The following ZNFX1 variants were observed in gnomAD, a reference collection of about 807,000 sequenced individuals.
The protein encoded by ZNFX1 is NFX1-type zinc finger-containing protein 1.
In ZNFX1, 78 loss-of-function variants were observed where a neutral mutation model predicts 179.8. The ratio of observed to expected loss-of-function variants is 0.43; its 90% CI spans 0.36 to 0.52. ZNFX1 has a LOEUF of 0.52. ZNFX1 is among the 20% of genes least tolerant of loss of function. ZNFX1 has a pLI of 0.00. For synonymous variants in ZNFX1, 848 were observed against 868.5 expected (o/e 0.98, Z 0.42); for missense variants, 1,927 against 2,386.6 (o/e 0.81, Z 4.01).
intron 9 of ZNFX1, 117 bp from the exon 10 acceptor site, chr20:49,254,766 A>G (rs1980928170): frequency 8.7e-7 from 1 of 1,155,570 alleles, no homozygotes; most frequent in Non-Finnish European, 1.2e-6. Context: ...GCATAGTGAC[A>G]AACAGAGAGA....
chr20:49,248,062 T>G lies in ZNFX1; in HGVS notation c.4962A>C (p.Ala1654=), dbSNP rs762622460. 5 of 1,614,100 alleles carry G rather than the reference T, an allele frequency of 3.1e-6. No individual in the cohort carries two copies. In the Admixed American group the frequency reaches 8.3e-5, roughly 27 times the overall value. ...EIIKEKIQGS[A]GEIATSQERL... is the part of the protein sequence containing the mutation. The stretch of plus-strand genomic sequence containing the variant: ...GTTCCTGGCTGGTTGCTATTTCCCC[T>G]GCTGAGCCCTGGATCTTTTCCTTGA... The change falls in exon 14 of 14, where the codon GCA becomes GCC. Residue 1654 remains alanine (A), a synonymous_variant. Transcript: ENST00000396105. This position sits in a 1 kb window ranked among gnomAD's most constrained non-coding sequence, Gnocchi z 4.6.
chr20:49,264,599 T>C lies in ZNFX1; in HGVS notation c.2151+117A>G. 6 of 1,283,582 alleles carry C rather than the reference T, an allele frequency of 4.7e-6. No homozygotes were observed. In the South Asian group the frequency reaches 8.6e-5, roughly 18 times the overall value. The allele number at this position is 1,283,582 out of a possible 1,614,324, so 79.5% of individuals were successfully genotyped here. A position where few individuals can be genotyped will look rare whatever the true frequency, so the allele number is the denominator to read the frequency against. ...AATAGAATGCTGAAAGGAACCTGGG[T>C]CCTCCAGAGCTTTGAGGAGCCTCCA... On this transcript the variant is annotated intron_variant, in intron 5 of 13. Transcript: ENST00000396105.
At chr20:49,258,199 G>T (rs1219240063) in intron 7 of ZNFX1, among the ~76,000 whole-genome samples, 1 of 150,522 alleles carries the variant, frequency 6.6e-6, no homozygotes, top group East Asian at 2.0e-4. Context: ...GGGTTCAAGC[G>T]ATTCTCCTGC....
At position 49,249,199 on chromosome 20, in the gene ZNFX1, G is replaced by A. The variant is rs534404802; in HGVS notation, c.3825C>T (p.Ser1275=). The stretch of plus-strand genomic sequence containing the variant: ...GTACTTTTTGGAAGTCAGAAGCTTT[G>A]GATACTAAGGTGTGGGTTTCAGGGT... ...QNHPETHTLV[S]KASDFQKVPE... The change falls in exon 14 of 14, where the codon TCC becomes TCT. Residue 1275 remains serine (S), a synonymous_variant. Coordinates refer to ENST00000396105, the MANE Select transcript of ZNFX1 (RefSeq NM_021035.3). 22 of 1,614,228 alleles carry A rather than the reference G, an allele frequency of 1.4e-5. No homozygotes were observed. The South Asian group carries it at 2.2e-4, about 16-fold the overall frequency.
At chr20:49,257,099 AAC>A (rs1321866508) in intron 8 of ZNFX1, among the ~76,000 whole-genome samples, 1 of 152,178 alleles carries the variant, frequency 6.6e-6, no homozygotes, top group Admixed American at 6.6e-5. Context: ...TAGAGAAAAC[AAC>A]ACTCCTGAAG....
chr20:49,267,048 C>T (rs1981251170), intron 3 of ZNFX1, among the ~76,000 whole-genome samples: 1 of 152,158 alleles, frequency 6.6e-6, no homozygotes. Context: ...AGGCGCATGC[C>T]ACCATGCCCA....
At chr20:49,254,805 GC>G (rs1980928696) in intron 9 of ZNFX1, among the ~76,000 whole-genome samples, 156 bp from the exon 10 acceptor site, 1 of 152,092 alleles carries the variant, frequency 6.6e-6, no homozygotes, top group African/African-American at 2.4e-5. Context: ...AATCCAAAAT[GC>G]CCAACAAAAA....
chr20:49,248,818 GAC>G lies in ZNFX1; in HGVS notation c.4204_4205del (p.Val1402HisfsTer57). ...EDCVQLCSEM[V>X]TIKLKCGHSQ... Reference sequence around the variant, plus strand: ...TGTGCCCACACTTGAGTTTTATGGTGACCATTTCTGAACACAGCTGCACACAG... The same window carrying G: ...TGTGCCCACACTTGAGTTTTATGGTGCATTTCTGAACACAGCTGCACACAG... On this transcript the variant is annotated frameshift_variant, in exon 14 of 14. Coordinates refer to ENST00000396105, the MANE Select transcript of ZNFX1 (RefSeq NM_021035.3). LOFTEE classifies it high-confidence loss of function. This position sits in a 1 kb window ranked among gnomAD's most constrained non-coding sequence, Gnocchi z 4.6. 6.2e-7 allele frequency: 1 copy of G among 1,613,384 alleles called. No homozygotes were observed. The highest frequency in any genetic ancestry group is 8.5e-7 in the Non-Finnish European group (1 of 1,179,322).
chr20:49,268,060 A>G (rs568131654), intron 3 of ZNFX1, among the ~76,000 whole-genome samples: 8 of 151,960 alleles, frequency 5.3e-5, no homozygotes, highest in Admixed American at 1.3e-4. Context: ...ATTTTTTAGT[A>G]GAGACAGGGT....
intron 3 of ZNFX1, among the ~76,000 whole-genome samples, chr20:49,269,176 A>G (rs117658078): frequency 0.015 from 2,317 of 152,358 alleles, 27 homozygotes; most frequent in Middle Eastern, 0.027. Context: ...CTATGCAGCT[A>G]TGAAAAAGAA....
intron 10 of ZNFX1, 70 bp from the exon 11 acceptor site, chr20:49,253,881 T>C: frequency 6.4e-7 from 1 of 1,569,962 alleles, no homozygotes; most frequent in Non-Finnish European, 8.7e-7. Flanking sequence ...ACTGGGCCTC[T>C]GGGAATCCAC....
At chr20:49,277,444 G>A (rs1981604031) in intron 1 of ZNFX1, among the ~76,000 whole-genome samples, 1 of 150,662 alleles carries the variant, frequency 6.6e-6, no homozygotes, top group Admixed American at 6.6e-5. Context: ...TGAAGGGGGT[G>A]CCGAGGTGCT....
In ZNFX1 at chr20:49,270,603, T is replaced by C; in HGVS notation, c.1209A>G (p.Arg403=). 6.2e-7 allele frequency: 1 copy of C among 1,614,188 alleles called. No homozygotes were observed. Among genetic ancestry groups the C allele is most frequent in the Non-Finnish European group, 8.5e-7 (1 of 1,180,020 alleles). ...AGTAGATTCGGATGTCATCAAACTT[T>C]CTCTTCCTCAGGCCCTGGTCTTCAA... ...QSFEDQGLRK[R]KFDDIRIYFD... is the part of the protein sequence containing the mutation. The change falls in exon 3 of 14, where the codon AGA becomes AGG. Residue 403 remains arginine, a synonymous_variant. Coordinates refer to ENST00000396105, the MANE Select transcript of ZNFX1 (RefSeq NM_021035.3). The surrounding 1 kb of genome is among the most constrained non-coding windows in gnomAD (Gnocchi z 4.6).
intron 10 of ZNFX1, among the ~76,000 whole-genome samples, 154 bp from the exon 11 acceptor site, chr20:49,253,965 A>G (rs1980905466): frequency 6.6e-6 from 1 of 152,106 alleles, no homozygotes; most frequent in Non-Finnish European, 1.5e-5. Context: ...CAGAACATTA[A>G]AACTGTGTTG....
intron 9 of ZNFX1, among the ~76,000 whole-genome samples, chr20:49,255,527 T>C (rs1302712616): frequency 6.6e-6 from 1 of 152,162 alleles, no homozygotes; most frequent in Non-Finnish European, 1.5e-5. Flanking sequence ...CATTTGTAAC[T>C]TTTTATTTGT....
At chr20:49,251,710 A>AG (rs984623046) in intron 12 of ZNFX1, 88 bp from the exon 13 acceptor site, 1 of 1,095,212 alleles carries the variant, frequency 9.1e-7, no homozygotes, top group African/African-American at 1.6e-5. Flanking sequence ...TAGAAAATTT[A>AG]GGGAGGGCCA....
In ZNFX1 at chr20:49,249,664, C is replaced by T; in HGVS notation, c.3360G>A (p.Gln1120=). 6.2e-7 allele frequency: 1 copy of T among 1,614,122 alleles called. No individual in the cohort carries two copies. The highest frequency in any genetic ancestry group is 8.5e-7 in the Non-Finnish European group (1 of 1,179,984). ...LFFVEHNFPE[Q]EIQEGKSHQN... is the part of the protein sequence containing the mutation. ...GATGGCTTTTGCCCTCTTGGATTTC[C>T]TGTTCAGGAAAGTTGTGTTCTACAA... The change falls in exon 14 of 14, where the codon CAG becomes CAA. Residue 1120 remains glutamine (Q), a synonymous_variant. Transcript: ENST00000396105.
intron 13 of ZNFX1, among the ~76,000 whole-genome samples, chr20:49,250,554 A>G (rs1269574259): frequency 6.8e-6 from 1 of 147,130 alleles, no homozygotes; most frequent in Non-Finnish European, 1.5e-5. Flanking sequence ...TCAGCTGACA[A>G]TTTTTTTTTT....
rs143647973 is a variant in ZNFX1, at chr20:49,257,441, C to T, written c.2640G>A (p.Gln880=). ...CCTGCCACTCTCCTGTGGCTTGCTC[C>T]TGTCCAGCTGCTGTCCCAGTGCCAC... ...DHCGTGTAAG[Q]EQATGEWQTQ... The change falls in exon 8 of 14, where the codon CAG becomes CAA. Residue 880 remains glutamine, a synonymous_variant. Transcript: ENST00000396105. The T allele has an allele frequency of 3.7e-3, 6,046 of 1,614,144 alleles. 18 individuals are homozygous for T. Among genetic ancestry groups the T allele is most frequent in the Middle Eastern group, 8.2e-3 (50 of 6,062 alleles).
Sources: gnomAD v4.1 joint callset for allele counts (sites outside exome capture counted in the v4.1 genomes callset) on GRCh38, gnomAD v4.1.1 for gene constraint, Gnocchi (gnomAD v3.1) non-coding constraint, MANE v1.5 for transcripts, NCBI Gene and HGNC (gene_info 2026-07-23, HGNC 2026-07-21) for gene names.